BICD1: variants seen among roughly 807,000 people sequenced by gnomAD.
BICD1 encodes BICD cargo adaptor 1.
BICD1 carries 35 observed loss-of-function variants against 92.5 expected under a neutral mutation model. That is an observed-to-expected ratio of 0.38 (90% confidence interval 0.29 to 0.50). The LOEUF (loss-of-function observed/expected upper bound fraction) is 0.50, where lower values mean the gene tolerates loss of function less well. Ranked by LOEUF, BICD1 falls within the 20% of genes least tolerant of loss-of-function variation. BICD1 has a pLI of 0.93. For missense variants in BICD1, 950 were observed against 1,189.8 expected, an observed-to-expected ratio of 0.80 and a Z score of 2.97; for synonymous variants, 429 against 465.1, an observed-to-expected ratio of 0.92 and a Z score of 1.00.
intron 1 of BICD1, among the ~76,000 whole-genome samples, chr12:32,170,476 A>G (rs1176272876): frequency 6.6e-6 from 1 of 152,188 alleles, no homozygotes; most frequent in Non-Finnish European, 1.5e-5. Flanking sequence ...TTCTACAACA[A>G]TATTATTTAG....
At chr12:32,303,059 C>T (rs559523163) in intron 3 of BICD1, among the ~76,000 whole-genome samples, 3 of 151,372 alleles carry the variant, frequency 2.0e-5, no homozygotes, top group Admixed American at 6.6e-5. Context: ...CTCATCCTCC[C>T]GAATAGCTGG....
intron 2 of BICD1, among the ~76,000 whole-genome samples, chr12:32,240,377 A>G (rs1946203409): frequency 6.6e-6 from 1 of 152,182 alleles, no homozygotes; most frequent in Admixed American, 6.5e-5. Flanking sequence ...GGGGAAGCGT[A>G]CATTTCCTCT....
chr12:32,133,198 A>C (rs1449534851), intron 1 of BICD1, among the ~76,000 whole-genome samples: 2 of 152,126 alleles, frequency 1.3e-5, no homozygotes, highest in African/African-American at 4.8e-5. Context: ...TTTTAAGATG[A>C]GTCTCCTGGC....
intron 1 of BICD1, among the ~76,000 whole-genome samples, chr12:32,182,280 T>TTC (rs1944298418): frequency 3.1e-5 from 3 of 98,066 alleles, no homozygotes; most frequent in African/African-American, 8.4e-5. Context: ...CTTTCTTTCT[T>TTC]TTTTTTTTTT....
rs774694561 is a variant in BICD1 at position 32,328,131 on chromosome 12, T to C, written c.1676T>C (p.Leu559Ser). The part of the protein sequence containing the change: ...LKGPDDPRGL[L>S]SPRLARRGVS... Reference sequence around the variant, plus strand: ...GGGCCCGATGATCCCAGAGGACTTTTGTCCCCACGATTAGCCAGGCGGGGT... The same window carrying C: ...GGGCCCGATGATCCCAGAGGACTTTCGTCCCCACGATTAGCCAGGCGGGGT... Residue 559 changes from leucine (L) to serine (S), a missense_variant, in exon 5 of 10, where the codon TTG becomes TCG. Coordinates refer to ENST00000652176, the MANE Select transcript of BICD1 (RefSeq NM_001714.4). This position sits in a 1 kb window ranked among gnomAD's most constrained non-coding sequence, Gnocchi z 4.4. 6 of 1,614,060 alleles carry C rather than the reference T, an allele frequency of 3.7e-6. No individual in the cohort carries two copies. In the South Asian group the frequency reaches 6.6e-5, roughly 18 times the overall value.
chr12:32,305,943 G>T lies in BICD1; in HGVS notation c.826G>T (p.Gly276Trp). ...SVDGLKFAED[G>W]SEPNNDDKMN... is the part of the protein sequence containing the mutation. ...AGATGGACTCAAATTTGCCGAGGATGGGAGTGAACCAAACAATGATGACAA... is the reference window on the plus strand; with the variant it reads ...AGATGGACTCAAATTTGCCGAGGATTGGAGTGAACCAAACAATGATGACAA... Residue 276 changes from glycine (G) to tryptophan (W), a missense_variant, in exon 4 of 10, where the codon GGG becomes TGG. Gly to Trp is a radical substitution (Grantham distance 184). Coordinates refer to ENST00000652176, the MANE Select transcript of BICD1 (RefSeq NM_001714.4). 6.2e-7 allele frequency: 1 copy of T among 1,614,204 alleles called. No homozygotes were observed. Among genetic ancestry groups the T allele is most frequent in the Non-Finnish European group, 8.5e-7 (1 of 1,180,036 alleles).
intron 4 of BICD1, among the ~76,000 whole-genome samples, chr12:32,314,410 G>A (rs1027798170): frequency 1.3e-5 from 2 of 152,080 alleles, no homozygotes; most frequent in Admixed American, 6.6e-5. Context: ...TGAGTGTTCC[G>A]ATTTCTCCAC....
At chr12:32,116,751 A>G (rs944889031) in intron 1 of BICD1, among the ~76,000 whole-genome samples, 1 of 150,738 alleles carries the variant, frequency 6.6e-6, no homozygotes, top group African/African-American at 2.4e-5. Context: ...ATTTTTAGAA[A>G]TTATTATTTG....
chr12:32,190,810 G>A (rs1356726099), intron 1 of BICD1, among the ~76,000 whole-genome samples: 3 of 152,120 alleles, frequency 2.0e-5, no homozygotes, highest in African/African-American at 4.8e-5. Flanking sequence ...TCTCAAGGAC[G>A]CTTGGAACAT....
intron 5 of BICD1, among the ~76,000 whole-genome samples, chr12:32,330,963 C>T (rs1361388420): frequency 6.6e-6 from 1 of 152,074 alleles, no homozygotes; most frequent in East Asian, 1.9e-4. Flanking sequence ...GGAGAAACAC[C>T]GTCCCTACTA....
At chr12:32,146,697 A>T (rs1216098455) in intron 1 of BICD1, among the ~76,000 whole-genome samples, 1 of 152,194 alleles carries the variant, frequency 6.6e-6, no homozygotes, top group Non-Finnish European at 1.5e-5. Context: ...GAGCCCACGA[A>T]GTGTGGCCAG....
At chr12:32,340,439 C>T (rs755800382) in intron 8 of BICD1, 7 of 985,240 alleles carry the variant, frequency 7.1e-6, no homozygotes, top group African/African-American at 1.7e-5. Context: ...ATACCTAACT[C>T]GGATAAAACC....
intron 2 of BICD1, among the ~76,000 whole-genome samples, chr12:32,264,361 G>C (rs1262903828): frequency 6.6e-6 from 1 of 152,146 alleles, no homozygotes; most frequent in East Asian, 1.9e-4. Context: ...CACTCAGTGA[G>C]TATTTGTTGA....
At chr12:32,369,937 AC>A (rs1939667353) in intron 9 of BICD1, among the ~76,000 whole-genome samples, 1 of 152,188 alleles carries the variant, frequency 6.6e-6, no homozygotes, top group Non-Finnish European at 1.5e-5. Context: ...AAAGAAAAAT[AC>A]ATTATAAAAT....
At chr12:32,259,650 A>G (rs1026283016) in intron 2 of BICD1, among the ~76,000 whole-genome samples, 2 of 152,296 alleles carry the variant, frequency 1.3e-5, no homozygotes, top group African/African-American at 4.8e-5. Flanking sequence ...GCCACACACA[A>G]GTTCTTAGAA....
At chr12:32,335,154 AT>A (rs11326277) in intron 6 of BICD1, among the ~76,000 whole-genome samples, 37,781 of 147,368 alleles carry the variant, frequency 0.26, 5,078 homozygotes, top group East Asian at 0.59. Context: ...ATTACTTATA[AT>A]TTTTTTTTTT....
At chr12:32,224,004 C>G (rs760737570) in intron 2 of BICD1, among the ~76,000 whole-genome samples, 3 of 152,126 alleles carry the variant, frequency 2.0e-5, no homozygotes, top group Non-Finnish European at 4.4e-5. Flanking sequence ...TGAAATATTG[C>G]AAGAATTACC....
rs373099133 is a variant in BICD1, at chr12:32,119,246, T to C, written c.213+11702T>C. Among the ~76,000 whole-genome samples the C allele has an allele frequency of 1.1e-3, 161 of 152,344 alleles. 4 individuals carry two copies. In the South Asian group the frequency reaches 0.032, roughly 30 times the overall value. On this transcript the variant is annotated intron_variant, in intron 1 of 9. Transcript: ENST00000652176. ...TATGACCATTCTGTAACACAGTGTA[T>C]TGCCTACTGGATTTTTCTAATGAGG...
At chr12:32,139,680 T>C (rs1808733083) in intron 1 of BICD1, among the ~76,000 whole-genome samples, 2 of 152,094 alleles carry the variant, frequency 1.3e-5, no homozygotes, top group Admixed American at 6.5e-5. Flanking sequence ...CCTCGTGCCT[T>C]AGCCTCCCAA....
Sources: gnomAD v4.1 joint callset for allele counts (sites outside exome capture counted in the v4.1 genomes callset) on GRCh38, gnomAD v4.1.1 for gene constraint, Gnocchi (gnomAD v3.1) non-coding constraint, MANE v1.5 for transcripts, NCBI Gene and HGNC (gene_info 2026-07-23, HGNC 2026-07-21) for gene names.